Variants in SEMA5A observed in about 807,000 individuals in gnomAD.
SEMA5A encodes the protein semaphorin 5A.
In SEMA5A, 55 loss-of-function variants were observed where a neutral mutation model predicts 135.5. That is an observed-to-expected ratio of 0.41 (90% CI 0.33 to 0.51). The LOEUF is 0.51. SEMA5A is among the 20% of genes least tolerant of loss of function. The pLI is 0.37. For missense variants in SEMA5A, 1,290 were observed against 1,419.9 expected, an observed-to-expected ratio of 0.91 and a Z score of 1.47; for synonymous variants, 580 against 546.5, an observed-to-expected ratio of 1.06 and a Z score of -0.85.
At chr5:9,147,348 CTGCAA>C (rs1370688018) in intron 12 of SEMA5A, among the ~76,000 whole-genome samples, 1 of 151,966 alleles carries the variant, frequency 6.6e-6, no homozygotes, top group Non-Finnish European at 1.5e-5. Context: ...CTGGAGTGTA[CTGCAA>C]CCTCCGCCTC....
At position 9,051,763 on chromosome 5, in the gene SEMA5A, A is replaced by G. The variant is rs1736589356; in HGVS notation, c.2845+110T>C. 2.2e-5 allele frequency: 30 copies of G among 1,335,240 alleles called. No homozygotes were observed. In the South Asian group the frequency reaches 3.1e-4, roughly 14 times the overall value. 82.7% of individuals were successfully genotyped at this position (1,335,240 alleles called of 1,614,324 possible). On this transcript the variant is annotated intron_variant, in intron 20 of 22. Transcript: ENST00000382496. Reference sequence around the variant, plus strand: ...CCTTGAAACCATGGGGCTTGATGGAATCATCTCTATTTCACCAAATAAGCC... The same window carrying G: ...CCTTGAAACCATGGGGCTTGATGGAGTCATCTCTATTTCACCAAATAAGCC...
At chr5:9,093,678 G>C (rs750644624) in intron 16 of SEMA5A, among the ~76,000 whole-genome samples, 10 of 151,068 alleles carry the variant, frequency 6.6e-5, no homozygotes, top group Admixed American at 2.6e-4. Context: ...GGGTGACAGA[G>C]TGAGACTCTG....
chr5:9,038,126 G>C lies in SEMA5A; in HGVS notation c.*4771C>G, dbSNP rs1356666941. ...GCATCAGGAAGTGATGAAGAAGTTA[G>C]GATGAACAAATGGGCTAGGCAAGGC... On this transcript the variant is annotated 3_prime_UTR_variant, in exon 23 of 23. Transcript: ENST00000382496. The C allele has an allele frequency of 6.6e-6, 1 of 152,226 alleles. No homozygotes were observed. The highest frequency in any genetic ancestry group is 2.4e-5 in the African/African-American group (1 of 41,454). The allele number at this position is 152,226 out of a possible 1,614,324, so 9.4% of individuals were successfully genotyped here.
chr5:9,249,827 T>G (rs1288788779), intron 5 of SEMA5A, among the ~76,000 whole-genome samples: 1 of 152,032 alleles, frequency 6.6e-6, no homozygotes, highest in African/African-American at 2.4e-5. Context: ...GAGTAGATGT[T>G]CAAGAAAAGC....
At chr5:9,132,698 C>A (rs1319389334) in intron 13 of SEMA5A, among the ~76,000 whole-genome samples, 3 of 152,152 alleles carry the variant, frequency 2.0e-5, no homozygotes, top group Non-Finnish European at 4.4e-5. Flanking sequence ...TGTCATTGAT[C>A]CAAGGTTTGT....
intron 5 of SEMA5A, among the ~76,000 whole-genome samples, chr5:9,316,964 C>A (rs1381419269): frequency 2.0e-5 from 3 of 152,228 alleles, no homozygotes; most frequent in East Asian, 1.9e-4. Flanking sequence ...CCTTCCCTGA[C>A]CTTCTGGGCC....
chr5:9,366,774 C>T (rs191005367), intron 3 of SEMA5A, among the ~76,000 whole-genome samples: 79 of 152,308 alleles, frequency 5.2e-4, no homozygotes, highest in Non-Finnish European at 2.5e-4. Context: ...CCAAATGTCC[C>T]TTATGTTCCC....
At chr5:9,046,227 A>G (rs1337668348) in intron 21 of SEMA5A, among the ~76,000 whole-genome samples, 1 of 152,142 alleles carries the variant, frequency 6.6e-6, no homozygotes, top group African/African-American at 2.4e-5. Flanking sequence ...TGTCACTAAT[A>G]CCTTTCCCTG....
In SEMA5A at chr5:9,154,597, G is replaced by A. The variant is rs758183037; in HGVS notation, c.1372C>T (p.Pro458Ser). 1.2e-6 allele frequency: 2 copies of A among 1,613,908 alleles called. No homozygotes were observed. The highest frequency in any genetic ancestry group is 1.7e-6 in the Non-Finnish European group (2 of 1,180,010). The change falls in exon 12 of 23, where the codon CCC becomes TCC. Residue 458 changes from proline to serine, a missense_variant. Around this residue, in one of 3 missense-constraint regions of SEMA5A, gnomAD observed 1,029 missense variants for 1,086.6 expected, o/e 0.95. Transcript: ENST00000382496. ...TGCAGGATCTGCAGGCTCCTGATGG[G>A]CTCCCTCCGCCTCTCAGGGAAGAGC... ...IELFPERRRE[P>S]IRSLQILHSQ... is the part of the protein sequence containing the mutation.
chr5:9,226,961 A>G lies in SEMA5A; in HGVS notation c.340T>C (p.Cys114Arg). 6.6e-7 allele frequency: 1 copy of G among 1,518,552 alleles called. No individual in the cohort carries two copies. Among genetic ancestry groups the G allele is most frequent in the Non-Finnish European group, 8.9e-7 (1 of 1,128,246 alleles). 94.1% of individuals were successfully genotyped at this position (1,518,552 alleles called of 1,614,324 possible). A position where few individuals can be genotyped will look rare whatever the true frequency, so the allele number is the denominator to read the frequency against. ...AGAAGCACCCGGATGTAGTTCTGACATTCCTCCTGAGGGAAAATAAATAAA... is the reference window on the plus strand; with the variant it reads ...AGAAGCACCCGGATGTAGTTCTGACGTTCCTCCTGAGGGAAAATAAATAAA... Reference protein sequence around the residue: ...CYSKGKSKEECQNYIRVLLVG... With the variant: ...CYSKGKSKEERQNYIRVLLVG... Residue 114 changes from cysteine to arginine, a missense_variant, in exon 7 of 23, where the codon TGT becomes CGT. Physicochemically the swap from Cys to Arg is radical, Grantham distance 180. This residue lies in a region of SEMA5A where 145 missense variants were observed against 212.0 expected (regional missense o/e 0.68). Transcript: ENST00000382496.
chr5:9,175,323 T>C (rs903347635), intron 11 of SEMA5A, among the ~76,000 whole-genome samples: 9 of 152,138 alleles, frequency 5.9e-5, no homozygotes, highest in African/African-American at 2.2e-4. Flanking sequence ...TGCAGTCACC[T>C]CACTGCCTGT....
intron 1 of SEMA5A, among the ~76,000 whole-genome samples, chr5:9,525,756 T>A (rs974325705): frequency 6.6e-6 from 1 of 152,194 alleles, no homozygotes; most frequent in Admixed American, 6.5e-5. Flanking sequence ...GTTTCAGAGA[T>A]CAAAATTCTT....
chr5:9,539,648 T>A (rs1737969388), intron 1 of SEMA5A, among the ~76,000 whole-genome samples: 1 of 152,182 alleles, frequency 6.6e-6, no homozygotes, highest in South Asian at 2.1e-4. Flanking sequence ...TATTTCAGAT[T>A]TGGGATTTTC....
intron 2 of SEMA5A, among the ~76,000 whole-genome samples, chr5:9,416,657 C>T (rs1431961033): frequency 6.6e-6 from 1 of 152,196 alleles, no homozygotes; most frequent in African/African-American, 2.4e-5. Context: ...CACACAATGT[C>T]TTTATGAATT....
chr5:9,226,921 C>T lies in SEMA5A; in HGVS notation c.380G>A (p.Arg127Gln), dbSNP rs138889059. 7.0e-5 allele frequency: 110 copies of T among 1,581,078 alleles called. No homozygotes were observed. Among genetic ancestry groups the T allele is most frequent in the East Asian group, 2.8e-4 (12 of 42,978 alleles). The stretch of plus-strand genomic sequence containing the variant: ...TGCATTGGTCCCACAGGTGAATAAC[C>T]GGTCGCCACCCACCAGAAGCACCCG... Reference protein sequence around the residue: ...YIRVLLVGGDRLFTCGTNAFT... With the variant: ...YIRVLLVGGDQLFTCGTNAFT... Residue 127 changes from arginine (R) to glutamine (Q), a missense_variant, in exon 7 of 23, where the codon CGG (arginine) becomes CAG (glutamine). By Grantham distance (43) the Arg-to-Gln change is conservative. Around this residue, in one of 3 missense-constraint regions of SEMA5A, gnomAD observed 145 missense variants for 212.0 expected, o/e 0.68. Transcript: ENST00000382496.
chr5:9,358,235 C>T (rs910428306), intron 3 of SEMA5A, among the ~76,000 whole-genome samples: 7 of 152,146 alleles, frequency 4.6e-5, no homozygotes, highest in South Asian at 2.1e-4. Flanking sequence ...TCAATAAGAC[C>T]AAAGCCACTA....
chr5:9,251,819 A>G (rs1375416707), intron 5 of SEMA5A, among the ~76,000 whole-genome samples: 1 of 152,194 alleles, frequency 6.6e-6, no homozygotes, highest in African/African-American at 2.4e-5. Flanking sequence ...TCAACTCCTG[A>G]TGGGGAAGAT....
At chr5:9,213,349 T>C (rs1746443813) in intron 8 of SEMA5A, among the ~76,000 whole-genome samples, 1 of 152,244 alleles carries the variant, frequency 6.6e-6, no homozygotes, top group Non-Finnish European at 1.5e-5. Flanking sequence ...CGTTAAGTCC[T>C]GGTCATTGGG....
intron 2 of SEMA5A, among the ~76,000 whole-genome samples, chr5:9,433,720 G>T (rs1222130938): frequency 6.8e-6 from 1 of 147,310 alleles, no homozygotes; most frequent in African/African-American, 2.5e-5. Context: ...TATAAAAAAA[G>T]AATATTATCA....
Sources: allele counts gnomAD v4.1 joint callset (sites outside exome capture counted in the v4.1 genomes callset), GRCh38; gene constraint gnomAD v4.1.1; regional missense constraint gnomAD v4.1.1; transcripts MANE v1.5; gene names NCBI Gene and HGNC (gene_info 2026-07-23, HGNC 2026-07-21).